Variants in ACYP2 observed in about 807,000 individuals in gnomAD.
ACYP2 encodes the protein acylphosphatase-2.
Under a neutral mutation model 11.2 loss-of-function variants are expected in ACYP2, and 12 were observed. The ratio of observed to expected loss-of-function variants is 1.08; its 90% CI spans 0.69 to 1.74. The LOEUF (loss-of-function observed/expected upper bound fraction) is 1.74. Ranked by LOEUF, ACYP2 falls within the 40% of genes most tolerant of loss-of-function variation. The pLI is 0.00. For missense variants in ACYP2, 134 were observed against 101.9 expected (o/e 1.31, Z -1.35); for synonymous variants, 43 against 32.2 (o/e 1.33, Z -1.13).
intron 6 of ACYP2, among the ~76,000 whole-genome samples, chr2:54,277,564 G>C (rs1161990016): frequency 2.6e-5 from 4 of 152,094 alleles, no homozygotes; most frequent in Non-Finnish European, 5.9e-5. Context: ...TGTAATCCCA[G>C]CTACTCAGGA....
At position 54,200,061 on chromosome 2, in the gene ACYP2, GA is replaced by G. The variant is rs1239843398; in HGVS notation, c.404+61316del. The stretch of plus-strand genomic sequence containing the variant: ...CATCTCAATTATATTTGTTTTTATA[GA>G]AAGGATATCTTTATACAGCTTTGCT... On this transcript the variant is annotated intron_variant, in intron 6 of 6. Coordinates refer to ENST00000607452, the MANE Select transcript of ACYP2 (RefSeq NM_001320586.2). Among the ~76,000 whole-genome samples, 5 of 152,270 alleles carry G rather than the reference GA, an allele frequency of 3.3e-5. No individual in the cohort carries two copies. The East Asian group carries it at 5.8e-4, about 18-fold the overall frequency.
intron 4 of ACYP2, among the ~76,000 whole-genome samples, chr2:54,133,142 G>A (rs1250624534): frequency 2.0e-5 from 3 of 152,066 alleles, no homozygotes; most frequent in Non-Finnish European, 4.4e-5. Flanking sequence ...CCCCATTGTA[G>A]CACTCTCCCC....
chr2:54,155,526 C>G (rs534906477), intron 6 of ACYP2, among the ~76,000 whole-genome samples: 17 of 152,286 alleles, frequency 1.1e-4, no homozygotes, highest in African/African-American at 3.4e-4. Flanking sequence ...GCATTAGAGT[C>G]TTATAGCAGA....
intron 6 of ACYP2, among the ~76,000 whole-genome samples, chr2:54,251,746 T>C (rs947667317): frequency 5.9e-5 from 9 of 152,270 alleles, no homozygotes; most frequent in East Asian, 3.9e-4. Flanking sequence ...GTCTTGAAAA[T>C]AGAGATTATG....
Position 54,282,897 on chromosome 2 carries a change from G to A in ACYP2, c.405-21791G>A, listed in dbSNP as rs1033676902. Among the ~76,000 whole-genome samples, 99 of 152,162 alleles carry A rather than the reference G, an allele frequency of 6.5e-4. 1 individual carries two copies. The highest frequency in any genetic ancestry group is 2.3e-3 in the African/African-American group (97 of 41,428). On this transcript the variant is annotated intron_variant, in intron 6 of 6. Coordinates refer to ENST00000607452, the MANE Select transcript of ACYP2 (RefSeq NM_001320586.2). ...TCAAAGAGTGGCCATATCTAAGAGTGGGGCTGGGAGATGAGAAAGGAGAGC... is the reference window on the plus strand; with the variant it reads ...TCAAAGAGTGGCCATATCTAAGAGTAGGGCTGGGAGATGAGAAAGGAGAGC...
At chr2:54,136,007 C>T (rs1339560176) in intron 5 of ACYP2, among the ~76,000 whole-genome samples, 2 of 152,214 alleles carry the variant, frequency 1.3e-5, no homozygotes, top group Non-Finnish European at 2.9e-5. Flanking sequence ...AAGTGATTCT[C>T]CTGCCTCACC....
chr2:54,286,236 A>G (rs1170776403), intron 6 of ACYP2, among the ~76,000 whole-genome samples: 2 of 151,992 alleles, frequency 1.3e-5, no homozygotes, highest in Admixed American at 6.5e-5. Context: ...AATGCAGTAC[A>G]TTGTAGAGTA....
chr2:54,251,868 C>T (rs79336391), intron 6 of ACYP2, among the ~76,000 whole-genome samples: 3,461 of 152,314 alleles, frequency 0.023, 81 homozygotes, highest in Non-Finnish European at 0.025. Flanking sequence ...GATTCAGATT[C>T]CCTATGTTCC....
intron 4 of ACYP2, among the ~76,000 whole-genome samples, chr2:54,134,527 G>A (rs934534723): frequency 6.6e-6 from 1 of 152,142 alleles, no homozygotes. Flanking sequence ...AACTGTACCT[G>A]TAATAACTAT....
intron 2 of ACYP2, among the ~76,000 whole-genome samples, chr2:54,048,049 A>C (rs991351986): frequency 2.6e-5 from 4 of 152,214 alleles, no homozygotes; most frequent in Admixed American, 1.3e-4. Flanking sequence ...TCACTCTATT[A>C]TTTAAGTCAT....
chr2:54,164,147 T>G (rs991369702), intron 6 of ACYP2, among the ~76,000 whole-genome samples: 5 of 152,074 alleles, frequency 3.3e-5, no homozygotes, highest in African/African-American at 1.2e-4. Context: ...TGTATAGAAC[T>G]TAGACATTCA....
chr2:54,215,925 G>C (rs1270912655), intron 6 of ACYP2, among the ~76,000 whole-genome samples: 1 of 152,132 alleles, frequency 6.6e-6, no homozygotes, highest in East Asian at 1.9e-4. Flanking sequence ...TTACATTTCT[G>C]TGAGTCCAAT....
chr2:54,072,513 T>TTTTTTCTTCTTTCTTTCTTTCC (rs148411653), intron 4 of ACYP2, among the ~76,000 whole-genome samples: 42,635 of 145,804 alleles, frequency 0.29, 6,608 homozygotes, highest in South Asian at 0.44. Context: ...CTCTCTCTCT[T>TTTTTTCTTCTTTCTTTCTTTCC]TCTTTCTTCT....
At chr2:54,108,560 C>T (rs1679292627) in intron 4 of ACYP2, among the ~76,000 whole-genome samples, 1 of 152,166 alleles carries the variant, frequency 6.6e-6, no homozygotes, top group Non-Finnish European at 1.5e-5. Context: ...GAAGTCCACG[C>T]CTGGGGGATA....
intron 5 of ACYP2, 39 bp from the exon 3 acceptor site, chr2:54,138,600 G>A: frequency 6.6e-7 from 1 of 1,513,498 alleles, no homozygotes; most frequent in Non-Finnish European, 9.1e-7. Flanking sequence ...TCAGACTTTT[G>A]ATGCTGCACT....
At chr2:54,024,757 GA>G (rs1674187415) in intron 2 of ACYP2, among the ~76,000 whole-genome samples, 1 of 152,126 alleles carries the variant, frequency 6.6e-6, no homozygotes, top group African/African-American at 2.4e-5. Flanking sequence ...ACAAGAGAAA[GA>G]AATCAAGGGC....
At chr2:54,162,289 C>G (rs1246434006) in intron 6 of ACYP2, among the ~76,000 whole-genome samples, 1 of 152,170 alleles carries the variant, frequency 6.6e-6, no homozygotes, top group Non-Finnish European at 1.5e-5. Context: ...ATAGTAATTC[C>G]TTCAGCTATT....
chr2:54,278,808 A>C (rs1280310225), intron 6 of ACYP2, among the ~76,000 whole-genome samples: 1 of 152,214 alleles, frequency 6.6e-6, no homozygotes, highest in Non-Finnish European at 1.5e-5. Context: ...TTTTCTTAAA[A>C]ATAATTTTAT....
At chr2:54,099,217 A>T (rs1374247805) in intron 4 of ACYP2, among the ~76,000 whole-genome samples, 4 of 152,192 alleles carry the variant, frequency 2.6e-5, no homozygotes, top group Admixed American at 6.5e-5. Context: ...AAATATGTAT[A>T]TGTTGCAGAA....
Sources: gnomAD v4.1 joint callset for allele counts (sites outside exome capture counted in the v4.1 genomes callset) on GRCh38, gnomAD v4.1.1 for gene constraint, MANE v1.5 for transcripts, NCBI Gene and HGNC (gene_info 2026-07-23, HGNC 2026-07-21) for gene names.